PTPN3: variants seen among roughly 807,000 people sequenced by gnomAD.
PTPN3 encodes tyrosine-protein phosphatase non-receptor type 3.
PTPN3 carries 96 observed loss-of-function variants against 132.7 expected under a neutral mutation model. The ratio of observed to expected loss-of-function variants is 0.72; its 90% CI spans 0.61 to 0.86. The LOEUF is 0.86. PTPN3 is among the 40% of genes least tolerant of loss of function. PTPN3 has a pLI of 0.00. For missense variants in PTPN3, 1,125 were observed against 1,159.6 expected (o/e 0.97, Z 0.43); for synonymous variants, 398 against 429.0 (o/e 0.93, Z 0.89).
At chr9:109,412,597 T>A (rs1394132401) in intron 14 of PTPN3, among the ~76,000 whole-genome samples, 1 of 152,118 alleles carries the variant, frequency 6.6e-6, no homozygotes, top group African/African-American at 2.4e-5. Context: ...ATAGTCTCGA[T>A]CTCTTGACCT....
chr9:109,406,484 C>T lies in PTPN3; in HGVS notation c.1770G>A (p.Leu590=), dbSNP rs774893878. 8 of 1,614,130 alleles carry T rather than the reference C, an allele frequency of 5.0e-6. No homozygotes were observed. Among genetic ancestry groups the T allele is most frequent in the Non-Finnish European group, 6.8e-6 (8 of 1,179,978 alleles). The change falls in exon 18 of 26, where the codon CTG becomes CTA. Residue 590 remains leucine (L), a synonymous_variant. Coordinates refer to ENST00000374541, the MANE Select transcript of PTPN3 (RefSeq NM_002829.4). ...KASRESHSRE[L]ALVIRRRAVR... is the part of the protein sequence containing the mutation. ...TACCTCTCCTCCTGATCACCAGGGC[C>T]AGCTCCCGTGAGTGGGACTCCCGGC...
intron 19 of PTPN3, chr9:109,397,537 G>A (rs1006679652): frequency 2.6e-5 from 4 of 152,160 alleles, no homozygotes; most frequent in African/African-American, 9.7e-5. Context: ...CTACTCACGG[G>A]TAGCTCACCC....
chr9:109,537,003 G>A, the PTPN3 span, among the ~76,000 whole-genome samples: 3 of 152,092 alleles, frequency 2.0e-5, no homozygotes, highest in Non-Finnish European at 2.9e-5. Context: ...TTGAGGGAAG[G>A]GAAGGGTGCA....
intron 9 of PTPN3, among the ~76,000 whole-genome samples, chr9:109,435,590 CACGTAGA>C (rs1328682099): frequency 6.6e-6 from 1 of 152,142 alleles, no homozygotes; most frequent in Non-Finnish European, 1.5e-5. Context: ...GTTTTTAGTT[CACGTAGA>C]ACAGCCTAGT....
intron 6 of PTPN3, among the ~76,000 whole-genome samples, chr9:109,446,578 T>C (rs1243353251): frequency 5.3e-5 from 8 of 152,142 alleles, no homozygotes; most frequent in African/African-American, 1.7e-4. Flanking sequence ...GTATCAGCTA[T>C]TTGCTCTCCT....
chr9:109,381,384 A>G (rs77497440), intron 25 of PTPN3, among the ~76,000 whole-genome samples: 5,310 of 152,220 alleles, frequency 0.035, 145 homozygotes, highest in East Asian at 0.15. Flanking sequence ...GCGGGGGAGG[A>G]TAATGGACAA....
chr9:109,482,752 CCA>C (rs1276665961), intron 1 of PTPN3, among the ~76,000 whole-genome samples: 2 of 152,164 alleles, frequency 1.3e-5, no homozygotes, highest in African/African-American at 4.8e-5. Context: ...ATACCTGGAC[CCA>C]CTCCTCCCCC....
intron 9 of PTPN3, among the ~76,000 whole-genome samples, chr9:109,436,602 T>A (rs1265890557): frequency 6.6e-6 from 1 of 152,210 alleles, no homozygotes; most frequent in Non-Finnish European, 1.5e-5. Flanking sequence ...TTTTTTGCCT[T>A]TTAAAACCAT....
At chr9:109,468,627 A>T (rs887171784) in intron 1 of PTPN3, among the ~76,000 whole-genome samples, 2 of 152,214 alleles carry the variant, frequency 1.3e-5, no homozygotes, top group African/African-American at 4.8e-5. Context: ...CGGCCTCCCA[A>T]AGTGCTGGGA....
chr9:109,482,752 C>T (rs1847018493), intron 1 of PTPN3, among the ~76,000 whole-genome samples: 1 of 152,164 alleles, frequency 6.6e-6, no homozygotes, highest in African/African-American at 2.4e-5. Context: ...ATACCTGGAC[C>T]CACTCCTCCC....
At chr9:109,510,570 A>ATATATATATATAT in the PTPN3 span, among the ~76,000 whole-genome samples, 1 of 78,502 alleles carries the variant, frequency 1.3e-5, no homozygotes, top group African/African-American at 4.7e-5. Flanking sequence ...AAAAAAAAAA[A>ATATATATATATAT]AAAAAAATAT....
chr9:109,391,863 C>G (rs1447735672), intron 19 of PTPN3, among the ~76,000 whole-genome samples: 1 of 40,266 alleles, frequency 2.5e-5, no homozygotes, highest in Non-Finnish European at 4.7e-5. Flanking sequence ...CTAAAAGCAA[C>G]TAGATGTGGG....
intron 1 of PTPN3, among the ~76,000 whole-genome samples, chr9:109,477,689 A>G (rs1395291163): frequency 6.6e-6 from 1 of 152,234 alleles, no homozygotes; most frequent in African/African-American, 2.4e-5. Flanking sequence ...GAAACAGGCC[A>G]TCTCATTTCC....
Position 109,378,771 on chromosome 9 carries a change from G to GATTCC in PTPN3, c.*784_*785insGGAAT, listed in dbSNP as rs1838779928. 6.5e-6 allele frequency: 1 copy of GATTCC among 152,694 alleles called. No homozygotes were observed. Among genetic ancestry groups the GATTCC allele is most frequent in the South Asian group, 2.1e-4 (1 of 4,822 alleles). 9.5% of individuals were successfully genotyped at this position (152,694 alleles called of 1,614,324 possible). Reference sequence around the variant, plus strand: ...GTCGGTGATTCCAGTCCTGGGTGCTGAGTGTGCAGTAGGAGGCAAGCAGAG... The same window carrying GATTCC: ...GTCGGTGATTCCAGTCCTGGGTGCTGATTCCAGTGTGCAGTAGGAGGCAAGCAGAG... On this transcript the variant is annotated 3_prime_UTR_variant, in exon 26 of 26. Transcript: ENST00000374541.
intron 6 of PTPN3, among the ~76,000 whole-genome samples, chr9:109,446,053 T>C (rs920703914): frequency 6.6e-6 from 1 of 152,198 alleles, no homozygotes. Context: ...CCCTTTTCTT[T>C]TCTGCATTCA....
chr9:109,442,717 T>C (rs961508918), intron 7 of PTPN3, among the ~76,000 whole-genome samples: 6 of 152,232 alleles, frequency 3.9e-5, no homozygotes, highest in African/African-American at 1.4e-4. Flanking sequence ...CCATGCACTA[T>C]TCTAATAGTT....
the PTPN3 span, among the ~76,000 whole-genome samples, chr9:109,513,134 G>C: frequency 6.6e-6 from 1 of 152,250 alleles, no homozygotes; most frequent in Non-Finnish European, 1.5e-5. Context: ...TCAGACTCCT[G>C]AGTAGCTGGG....
At chr9:109,527,444 G>T in the PTPN3 span, among the ~76,000 whole-genome samples, 1 of 152,230 alleles carries the variant, frequency 6.6e-6, no homozygotes, top group South Asian at 2.1e-4. Flanking sequence ...TTGGATAACG[G>T]AGCGAGACAC....
chr9:109,419,160 C>T (rs1438837821), intron 14 of PTPN3, among the ~76,000 whole-genome samples: 12 of 152,222 alleles, frequency 7.9e-5, no homozygotes. Flanking sequence ...AAGCTCAGGT[C>T]ACAAGGAAAG....
Sources: gnomAD v4.1 joint callset for allele counts (sites outside exome capture counted in the v4.1 genomes callset) on GRCh38, gnomAD v4.1.1 for gene constraint, MANE v1.5 for transcripts, NCBI Gene and HGNC (gene_info 2026-07-23, HGNC 2026-07-21) for gene names.